Variants in PPP2R2B observed in about 807,000 individuals in gnomAD.
PPP2R2B encodes the protein protein phosphatase 2 regulatory subunit Bbeta, also known as serine/threonine-protein phosphatase 2A 55 kDa regulatory subunit B beta isoform.
A neutral mutation model predicts 46.0 loss-of-function variants in PPP2R2B; 5 were observed. That is an observed-to-expected ratio of 0.11 (90% confidence interval 0.06 to 0.23). PPP2R2B has a LOEUF of 0.23. PPP2R2B is among the 10% of genes least tolerant of loss of function. PPP2R2B has a pLI of 1.00. For synonymous variants in PPP2R2B, 215 were observed against 206.7 expected (o/e 1.04, Z -0.34); for missense variants, 367 against 575.0 (o/e 0.64, Z 3.70).
intron 2 of PPP2R2B, among the ~76,000 whole-genome samples, chr5:146,770,891 G>A (rs1282482250): frequency 1.3e-5 from 2 of 152,102 alleles, no homozygotes; most frequent in East Asian, 1.9e-4. Context: ...AGTTTACAGA[G>A]AACAACCTAT....
At chr5:146,820,439 T>C (rs1758188471) in intron 2 of PPP2R2B, among the ~76,000 whole-genome samples, 1 of 152,210 alleles carries the variant, frequency 6.6e-6, no homozygotes, top group South Asian at 2.1e-4. Context: ...GATTCTCATT[T>C]GTGGATAATT....
intron 2 of PPP2R2B, among the ~76,000 whole-genome samples, chr5:146,841,925 G>T (rs183484703): frequency 6.1e-4 from 93 of 152,198 alleles, no homozygotes; most frequent in African/African-American, 2.2e-3. Context: ...AGAATTTAAA[G>T]TATAATGAAA....
chr5:146,819,947 T>C (rs1025270464), intron 2 of PPP2R2B, among the ~76,000 whole-genome samples: 1 of 152,190 alleles, frequency 6.6e-6, no homozygotes, highest in African/African-American at 2.4e-5. Context: ...GAAAACATTA[T>C]GATAAGTCAA....
chr5:146,643,358 TA>T (rs200019183), intron 6 of PPP2R2B, among the ~76,000 whole-genome samples: 6,121 of 152,222 alleles, frequency 0.04, 281 homozygotes, highest in East Asian at 0.21. Context: ...ATGGAGCCTA[TA>T]TTCTAGTAGG....
chr5:147,046,772 T>C (rs778112766), intron 1 of PPP2R2B, among the ~76,000 whole-genome samples: 6 of 151,948 alleles, frequency 3.9e-5, no homozygotes, highest in Admixed American at 2.0e-4. Context: ...GATAATACCA[T>C]GCAGACTTAG....
chr5:146,798,137 A>G (rs1756655101), intron 2 of PPP2R2B, among the ~76,000 whole-genome samples: 1 of 152,036 alleles, frequency 6.6e-6, no homozygotes, highest in Admixed American at 6.6e-5. Flanking sequence ...TTGAGCCTCT[A>G]ATTGGCTTTT....
At chr5:147,032,580 C>T (rs1755840227) in intron 1 of PPP2R2B, among the ~76,000 whole-genome samples, 1 of 152,106 alleles carries the variant, frequency 6.6e-6, no homozygotes, top group Non-Finnish European at 1.5e-5. Flanking sequence ...CATAGCTTAG[C>T]TCTCACATAT....
intron 5 of PPP2R2B, among the ~76,000 whole-genome samples, chr5:146,680,839 C>T (rs1422883794): frequency 6.6e-6 from 1 of 152,186 alleles, no homozygotes; most frequent in East Asian, 1.9e-4. Context: ...TAGAAAATTC[C>T]TTTCCTTGTT....
At chr5:146,993,105 GC>G (rs1753773040) in intron 1 of PPP2R2B, among the ~76,000 whole-genome samples, 2 of 151,890 alleles carry the variant, frequency 1.3e-5, no homozygotes, top group Admixed American at 1.3e-4. Flanking sequence ...ACCATGCCCA[GC>G]TAATTTTTGC....
intron 1 of PPP2R2B, among the ~76,000 whole-genome samples, chr5:146,932,153 C>T (rs1314132692): frequency 6.6e-6 from 1 of 152,154 alleles, no homozygotes; most frequent in Non-Finnish European, 1.5e-5. Context: ...TGTTTGTTTT[C>T]CTTAAATTAG....
chr5:146,781,081 G>A (rs1755481310), intron 2 of PPP2R2B, among the ~76,000 whole-genome samples: 1 of 132,326 alleles, frequency 7.6e-6, no homozygotes, highest in South Asian at 2.4e-4. Context: ...TCTGGACTAT[G>A]TTAACTTCTT....
At chr5:146,940,869 A>AATATGAGTG (rs1764302186) in intron 1 of PPP2R2B, among the ~76,000 whole-genome samples, 1 of 152,144 alleles carries the variant, frequency 6.6e-6, no homozygotes, top group Admixed American at 6.5e-5. Context: ...CTCTAAAGAG[A>AATATGAGTG]ATATGAGTGA....
chr5:146,651,936 G>A (rs184234645), intron 5 of PPP2R2B, among the ~76,000 whole-genome samples: 4 of 152,286 alleles, frequency 2.6e-5, no homozygotes, highest in Non-Finnish European at 5.9e-5. Flanking sequence ...CTATGCGGGA[G>A]TTTTTAAATC....
chr5:146,931,822 CT>C (rs1320978891), intron 1 of PPP2R2B, among the ~76,000 whole-genome samples: 1 of 152,150 alleles, frequency 6.6e-6, no homozygotes, highest in Non-Finnish European at 1.5e-5. Context: ...GAAAACACTT[CT>C]TAATTCTCTT....
intron 1 of PPP2R2B, among the ~76,000 whole-genome samples, chr5:146,937,142 A>C (rs1764176235): frequency 6.6e-6 from 1 of 152,126 alleles, no homozygotes; most frequent in Admixed American, 6.6e-5. Context: ...TCTCTACTAA[A>C]AATACAAAAT....
At chr5:146,600,783 A>C (rs1207395550) in intron 7 of PPP2R2B, among the ~76,000 whole-genome samples, 3 of 152,188 alleles carry the variant, frequency 2.0e-5, no homozygotes, top group Non-Finnish European at 4.4e-5. Flanking sequence ...GAGTCATGTT[A>C]AGATAGTTAA....
chr5:146,634,360 A>T (rs1467076851), intron 7 of PPP2R2B, among the ~76,000 whole-genome samples: 3 of 151,872 alleles, frequency 2.0e-5, no homozygotes, highest in African/African-American at 7.3e-5. Flanking sequence ...TTTGAGATAG[A>T]GTCTTGCTCT....
chr5:146,996,146 TATTA>T (rs1753914570), intron 1 of PPP2R2B, among the ~76,000 whole-genome samples: 1 of 152,168 alleles, frequency 6.6e-6, no homozygotes, highest in South Asian at 2.1e-4. Context: ...CTCATGCAGT[TATTA>T]ATTAAGCTAG....
At chr5:146,954,756 A>G (rs866288331) in intron 1 of PPP2R2B, among the ~76,000 whole-genome samples, 121 of 146,750 alleles carry the variant, frequency 8.2e-4, no homozygotes, top group South Asian at 4.9e-3. Context: ...ATGTGTATAT[A>G]TGTGTGTGTG....
Sources: gnomAD v4.1 joint callset for allele counts (sites outside exome capture counted in the v4.1 genomes callset) on GRCh38, gnomAD v4.1.1 for gene constraint, MANE v1.5 for transcripts, NCBI Gene and HGNC (gene_info 2026-07-23, HGNC 2026-07-21) for gene names.